MCC: variants seen among roughly 807,000 people sequenced by gnomAD.
The protein encoded by MCC is MCC regulator of Wnt signaling pathway.
Under a neutral mutation model 116.2 loss-of-function variants are expected in MCC, and 90 were observed. The ratio of observed to expected loss-of-function variants is 0.77; its 90% CI spans 0.65 to 0.92. The LOEUF is 0.92. MCC is among the 40% of genes least tolerant of loss of function. MCC has a pLI of 0.00. For missense variants in MCC, 1,516 were observed against 1,312.2 expected (o/e 1.16, Z -2.40); for synonymous variants, 578 against 510.5 (o/e 1.13, Z -1.78).
At chr5:113,273,776 T>C (rs1403742587) in intron 3 of MCC, among the ~76,000 whole-genome samples, 1 of 151,642 alleles carries the variant, frequency 6.6e-6, no homozygotes, top group East Asian at 1.9e-4. Flanking sequence ...ATGGTCACAA[T>C]AATAAAGATC....
intron 8 of MCC, among the ~76,000 whole-genome samples, chr5:113,091,398 A>G: frequency 6.6e-6 from 1 of 152,232 alleles, no homozygotes; most frequent in East Asian, 1.9e-4. Context: ...GGACAACTAC[A>G]GAGAGCAAAA....
chr5:113,168,455 C>G (rs1760889545), intron 3 of MCC, among the ~76,000 whole-genome samples: 1 of 152,150 alleles, frequency 6.6e-6, no homozygotes, highest in Admixed American at 6.5e-5. Context: ...TTTTCACATA[C>G]TTTTTATTAA....
rs1427349949 is a variant in MCC, at chr5:113,053,967, A to T, written c.2214-8T>A. On this transcript the variant is annotated splice_region_variant and splice_polypyrimidine_tract_variant and intron_variant, in intron 14 of 18. Transcript: ENST00000408903. Reference sequence around the variant, plus strand: ...GCTGTGGAGCTGGTTGTGCTGAGAAAGAAGAAAAACAAAGACCCACCACCC... The same window carrying T: ...GCTGTGGAGCTGGTTGTGCTGAGAATGAAGAAAAACAAAGACCCACCACCC... 6.2e-6 allele frequency: 10 copies of T among 1,604,610 alleles called. No individual in the cohort carries two copies. Among genetic ancestry groups the T allele is most frequent in the Non-Finnish European group, 8.5e-6 (10 of 1,172,124 alleles).
rs1475843575 is a variant in MCC, at chr5:113,176,786, C to T, written c.628-25364G>A. ...CTTTTTGAATTCTTCCTCCACGTCCCTCTTATCGATTTCTGTTGATCTTGC... is the reference window on the plus strand; with the variant it reads ...CTTTTTGAATTCTTCCTCCACGTCCTTCTTATCGATTTCTGTTGATCTTGC... On this transcript the variant is annotated intron_variant, in intron 3 of 18. Transcript: ENST00000408903. 2.6e-5 allele frequency among the ~76,000 whole-genome samples: 4 copies of T among 152,148 alleles called. No individual in the cohort carries two copies. The South Asian group carries it at 8.3e-4, about 32-fold the overall frequency.
intron 3 of MCC, among the ~76,000 whole-genome samples, chr5:113,206,436 C>T (rs1375413483): frequency 6.6e-6 from 1 of 152,132 alleles, no homozygotes; most frequent in East Asian, 1.9e-4. Flanking sequence ...TTTTTCGGGC[C>T]GGGCCCAGTA....
intron 1 of MCC, among the ~76,000 whole-genome samples, chr5:113,481,475 A>ACACCTGTAATCC (rs1772376197): frequency 6.6e-6 from 1 of 152,202 alleles, no homozygotes; most frequent in Non-Finnish European, 1.5e-5. Context: ...GCGGTGGCTC[A>ACACCTGTAATCC]CACCTGTAAT....
chr5:113,462,416 G>T (rs1262322634), intron 1 of MCC, among the ~76,000 whole-genome samples: 1 of 152,206 alleles, frequency 6.6e-6, no homozygotes, highest in Non-Finnish European at 1.5e-5. Flanking sequence ...TTTTCCTGAA[G>T]CCTCCAGAAA....
At position 113,340,516 on chromosome 5, in the gene MCC, C is replaced by T. The variant is rs1478538089; in HGVS notation, c.627+3G>A. On this transcript the variant is annotated splice_donor_region_variant and intron_variant, in intron 3 of 18. Transcript: ENST00000408903. ...TGTATTCCATGAACCAAAAAGTACTCACTGTGTTGGCCAGCTCTAGATAGC... is the reference window on the plus strand; with the variant it reads ...TGTATTCCATGAACCAAAAAGTACTTACTGTGTTGGCCAGCTCTAGATAGC... The T allele has an allele frequency of 1.2e-6, 2 of 1,613,490 alleles. No homozygotes were observed. Among genetic ancestry groups the T allele is most frequent in the African/African-American group, 1.3e-5 (1 of 74,912 alleles).
chr5:113,145,364 C>A (rs1490142535), intron 4 of MCC, among the ~76,000 whole-genome samples: 3 of 152,108 alleles, frequency 2.0e-5, no homozygotes, highest in Admixed American at 2.0e-4. Context: ...TTGCTTGTTC[C>A]TCCTCTTTTG....
At chr5:113,156,485 G>A (rs1349838174) in intron 3 of MCC, among the ~76,000 whole-genome samples, 1 of 152,168 alleles carries the variant, frequency 6.6e-6, no homozygotes, top group African/African-American at 2.4e-5. Flanking sequence ...CTCAGACTAG[G>A]AAAACAGTCC....
chr5:113,466,547 T>C (rs1580412974), intron 1 of MCC, among the ~76,000 whole-genome samples: 1 of 152,094 alleles, frequency 6.6e-6, no homozygotes, highest in Non-Finnish European at 1.5e-5. Flanking sequence ...TATTCCATGG[T>C]GTATATGTGC....
chr5:113,395,243 T>G (rs1769495909), intron 1 of MCC, among the ~76,000 whole-genome samples: 1 of 152,228 alleles, frequency 6.6e-6, no homozygotes, highest in African/African-American at 2.4e-5. Context: ...TCCTGTACTT[T>G]TTGCACACTT....
chr5:113,094,245 A>G (rs748831161), intron 8 of MCC, among the ~76,000 whole-genome samples: 5 of 152,148 alleles, frequency 3.3e-5, no homozygotes, highest in Admixed American at 6.5e-5. Context: ...AATTTTGACT[A>G]GATGGAAACA....
At chr5:113,327,585 T>TATATATATATATATATATAA (rs1554076401) in intron 3 of MCC, among the ~76,000 whole-genome samples, 1 of 119,432 alleles carries the variant, frequency 8.4e-6, no homozygotes, top group Non-Finnish European at 1.7e-5. Flanking sequence ...TATATATATA[T>TATATATATATATATATATAA]AAAAATCTCA....
chr5:113,143,982 A>G (rs1483832824), intron 4 of MCC, among the ~76,000 whole-genome samples: 2 of 152,206 alleles, frequency 1.3e-5, no homozygotes, highest in Non-Finnish European at 2.9e-5. Flanking sequence ...CAATATCATT[A>G]TCTCCCAGAC....
At chr5:113,082,129 A>AT (rs1469714963) in intron 11 of MCC, among the ~76,000 whole-genome samples, 1 of 152,252 alleles carries the variant, frequency 6.6e-6, no homozygotes, top group Admixed American at 6.5e-5. Context: ...GGCATGACAC[A>AT]TAAGAGAGTC....
At chr5:113,136,654 T>C (rs970744219) in intron 5 of MCC, among the ~76,000 whole-genome samples, 1 of 152,220 alleles carries the variant, frequency 6.6e-6, no homozygotes, top group Non-Finnish European at 1.5e-5. Context: ...TGATTGTTAT[T>C]GGTGCATAGA....
At chr5:113,032,004 T>C (rs779766491) in intron 17 of MCC, among the ~76,000 whole-genome samples, 6 of 152,196 alleles carry the variant, frequency 3.9e-5, no homozygotes, top group Non-Finnish European at 7.4e-5. Flanking sequence ...GCTCATTTAT[T>C]TAAAGATGCA....
chr5:113,459,133 A>ATG (rs542497591), intron 1 of MCC, among the ~76,000 whole-genome samples: 8,815 of 68,196 alleles, frequency 0.13, 682 homozygotes, highest in Non-Finnish European at 0.15. Flanking sequence ...GAGTAAGGAT[A>ATG]TGTGTGTGTG....
Sources: gnomAD v4.1 joint callset for allele counts (sites outside exome capture counted in the v4.1 genomes callset) on GRCh38, gnomAD v4.1.1 for gene constraint, MANE v1.5 for transcripts, NCBI Gene and HGNC (gene_info 2026-07-23, HGNC 2026-07-21) for gene names.